Variants in NXN observed in about 807,000 individuals in gnomAD.
NXN encodes the protein nucleoredoxin, also known as nucleoredoxin 1.
In NXN, 16 loss-of-function variants were observed where a neutral mutation model predicts 48.6. The ratio of observed to expected loss-of-function variants is 0.33; its 90% CI spans 0.22 to 0.50. The LOEUF (loss-of-function observed/expected upper bound fraction) is 0.50, where lower values mean the gene tolerates loss of function less well. NXN is among the 20% of genes least tolerant of loss of function. The probability of loss-of-function intolerance (pLI) is 0.98; values close to 1 mark genes in which losing one functional copy is unlikely to be tolerated. For synonymous variants in NXN, 281 were observed against 269.6 expected (o/e 1.04, Z -0.41); for missense variants, 492 against 605.5 (o/e 0.81, Z 1.97).
rs202202105 is a variant in NXN, at chr17:942,707, T to A, written c.360+36612A>T. Among the ~76,000 whole-genome samples, 6 of 10,218 alleles carry A rather than the reference T, an allele frequency of 5.9e-4. 1 individual carries two copies. Among genetic ancestry groups the A allele is most frequent in the Non-Finnish European group, 8.1e-4 (3 of 3,720 alleles). 6.7% of individuals were successfully genotyped at this position (10,218 alleles called of 152,430 possible). A position where few individuals can be genotyped will look rare whatever the true frequency, so the allele number is the denominator to read the frequency against. On this transcript the variant is annotated intron_variant, in intron 1 of 7. Transcript: ENST00000336868. ...TCCAGGGCGCAGCCATGAACTCACA[T>A]CACACCTTCCTGGATTTACAGTGAA...
At chr17:823,611 A>G (rs1276571281) in intron 3 of NXN, 21 bp downstream of exon 3, 1 of 1,613,770 alleles carries the variant, frequency 6.2e-7, no homozygotes, top group Non-Finnish European at 8.5e-7. Flanking sequence ...TGTCTGAGCC[A>G]AAGGGGGTCC....
intron 2 of NXN, among the ~76,000 whole-genome samples, chr17:824,539 G>T (rs183286731): frequency 5.9e-5 from 9 of 152,196 alleles, no homozygotes; most frequent in Non-Finnish European, 8.8e-5. Flanking sequence ...CATCCCGGCC[G>T]TCACATCCCA....
chr17:972,827 C>G (rs933316861), intron 1 of NXN, among the ~76,000 whole-genome samples: 3 of 152,078 alleles, frequency 2.0e-5, no homozygotes, highest in African/African-American at 7.2e-5. Flanking sequence ...GTCAGGAGAT[C>G]GAGACCATCA....
At chr17:865,353 C>T (rs971810608) in intron 1 of NXN, among the ~76,000 whole-genome samples, 8 of 152,044 alleles carry the variant, frequency 5.3e-5, no homozygotes, top group African/African-American at 1.4e-4. Flanking sequence ...AGTGATTCTC[C>T]TGCCTCAGCC....
intron 1 of NXN, among the ~76,000 whole-genome samples, chr17:856,169 G>A (rs761652410): frequency 6.6e-6 from 1 of 151,732 alleles, no homozygotes; most frequent in Non-Finnish European, 1.5e-5. Flanking sequence ...CTCCAGCCTG[G>A]CAACAAAGTG....
At chr17:869,623 A>G (rs1414389465) in intron 1 of NXN, among the ~76,000 whole-genome samples, 4 of 152,264 alleles carry the variant, frequency 2.6e-5, no homozygotes, top group Admixed American at 2.0e-4. Context: ...GTAGGTTTCA[A>G]TGAAATCACT....
chr17:849,198 TG>T lies in NXN; in HGVS notation c.361-23121del, dbSNP rs1226482237. ...ATCTAAGACCAATCACGCTCTCTCC[TG>T]GAAGTTCAGAAAGTGGATACAAAGA... On this transcript the variant is annotated intron_variant, in intron 1 of 7. Coordinates refer to ENST00000336868, the MANE Select transcript of NXN (RefSeq NM_022463.5). The surrounding 1 kb of genome is among the most constrained non-coding windows in gnomAD (Gnocchi z 4.2). Among the ~76,000 whole-genome samples, 1 of 151,896 alleles carries T rather than the reference TG, an allele frequency of 6.6e-6. No homozygotes were observed. The highest frequency in any genetic ancestry group is 2.4e-5 in the African/African-American group (1 of 41,406).
At chr17:826,821 G>A (rs1019856360) in intron 1 of NXN, among the ~76,000 whole-genome samples, 2 of 152,188 alleles carry the variant, frequency 1.3e-5, no homozygotes, top group African/African-American at 4.8e-5. Flanking sequence ...ACACGCTTCA[G>A]TCTACTGTCA....
At chr17:938,945 G>A (rs1024304946) in intron 1 of NXN, among the ~76,000 whole-genome samples, 6 of 151,838 alleles carry the variant, frequency 4.0e-5, no homozygotes, top group Non-Finnish European at 7.4e-5. Context: ...CCAGCTACAC[G>A]GGACGCTGAG....
chr17:818,066 C>T (rs1003297256), intron 5 of NXN, among the ~76,000 whole-genome samples: 8 of 151,960 alleles, frequency 5.3e-5, no homozygotes, highest in Non-Finnish European at 1.2e-4. Context: ...CGAGACCAGC[C>T]TGGGCAACAT....
chr17:855,991 A>G (rs2067982163), intron 1 of NXN, among the ~76,000 whole-genome samples: 1 of 152,108 alleles, frequency 6.6e-6, no homozygotes, highest in African/African-American at 2.4e-5. Context: ...TCAGGAGATC[A>G]AGACCATCCT....
chr17:889,743 GAAAGAAAGAA>G (rs1268831548), intron 1 of NXN, among the ~76,000 whole-genome samples: 2 of 100,112 alleles, frequency 2.0e-5, no homozygotes, highest in Admixed American at 1.0e-4. Flanking sequence ...AAGAAAGAAA[GAAAGAAAGAA>G]AGAAAGAAAA....
At chr17:817,503 A>C (rs1010190065) in intron 5 of NXN, among the ~76,000 whole-genome samples, 9 of 151,866 alleles carry the variant, frequency 5.9e-5, no homozygotes, top group African/African-American at 2.2e-4. Context: ...CCCCATCTCT[A>C]CTAAAAATAC....
chr17:815,179 G>A (rs1216837417), intron 5 of NXN, among the ~76,000 whole-genome samples: 1 of 152,264 alleles, frequency 6.6e-6, no homozygotes, highest in Non-Finnish European at 1.5e-5. Context: ...CCACCCGGTA[G>A]GTTTTGAAGG....
At chr17:903,912 C>T (rs577144506) in intron 1 of NXN, among the ~76,000 whole-genome samples, 7 of 151,844 alleles carry the variant, frequency 4.6e-5, no homozygotes, top group Non-Finnish European at 5.9e-5. Context: ...TCACCCCCCA[C>T]GGGCAGATTC....
intron 1 of NXN, among the ~76,000 whole-genome samples, chr17:863,355 G>T (rs1186528602): frequency 5.3e-5 from 8 of 152,072 alleles, no homozygotes; most frequent in Admixed American, 3.9e-4. Context: ...TTTTAGTAGA[G>T]ACGGGGTTTC....
intron 1 of NXN, among the ~76,000 whole-genome samples, chr17:942,782 A>C (rs201257945): frequency 0.03 from 2,169 of 71,826 alleles, 21 homozygotes; most frequent in East Asian, 0.1. Flanking sequence ...CCCTGGATTT[A>C]CAGTGAACAA....
At chr17:871,497 C>T (rs1232086571) in intron 1 of NXN, among the ~76,000 whole-genome samples, 4 of 150,524 alleles carry the variant, frequency 2.7e-5, no homozygotes, top group South Asian at 4.2e-4. Context: ...CTCCACCTCC[C>T]GGGTTCAAAT....
At chr17:857,957 C>T (rs114916184) in intron 1 of NXN, among the ~76,000 whole-genome samples, 1,866 of 151,750 alleles carry the variant, frequency 0.012, 41 homozygotes, top group African/African-American at 0.042. Context: ...TCCTTTTTAA[C>T]CAAAGATATA....
Sources: gnomAD v4.1 joint callset for allele counts (sites outside exome capture counted in the v4.1 genomes callset) on GRCh38, gnomAD v4.1.1 for gene constraint, Gnocchi (gnomAD v3.1) non-coding constraint, MANE v1.5 for transcripts, NCBI Gene and HGNC (gene_info 2026-07-23, HGNC 2026-07-21) for gene names.